MTTP: variants seen among roughly 807,000 people sequenced by gnomAD.
MTTP encodes microsomal triglyceride transfer protein large subunit.
MTTP carries 49 observed loss-of-function variants against 90.6 expected under a neutral mutation model. The observed-to-expected ratio is 0.54, with a 90% CI of 0.43 to 0.69. MTTP has a LOEUF of 0.69. Among genes scored for constraint, MTTP ranks in the 30% least tolerant of loss-of-function variants. MTTP has a pLI of 0.00. For synonymous variants in MTTP, 347 were observed against 384.2 expected, an observed-to-expected ratio of 0.90 and a Z score of 1.13; for missense variants, 945 against 1,067.5, an observed-to-expected ratio of 0.89 and a Z score of 1.60.
intron 7 of MTTP, chr4:99,595,366 C>T (rs1000078429): frequency 1.1e-5 from 2 of 178,554 alleles, no homozygotes; most frequent in African/African-American, 4.8e-5. Flanking sequence ...CCTACAATTC[C>T]TGTCAGAAAT....
chr4:99,580,671 C>T (rs1725087169), intron 1 of MTTP, among the ~76,000 whole-genome samples: 1 of 150,400 alleles, frequency 6.6e-6, no homozygotes, highest in Non-Finnish European at 1.5e-5. Context: ...TCCCCTCAGT[C>T]TCTTCATCTA....
chr4:99,579,180 C>T (rs1003830354), intron 1 of MTTP, among the ~76,000 whole-genome samples: 2 of 152,160 alleles, frequency 1.3e-5, no homozygotes, highest in African/African-American at 4.8e-5. Flanking sequence ...TCTCCTGGCT[C>T]TTCTTGATTC....
At chr4:99,570,870 G>C (rs573658703), upstream of MTTP, 22 of 435,528 alleles carry the variant, frequency 5.1e-5, no homozygotes, top group Admixed American at 1.0e-4. Context: ...GAAAAGGTAA[G>C]AAACAAATTC....
At position 99,587,633 on chromosome 4, in the gene MTTP, A is replaced by G. The variant is rs961998510; in HGVS notation, c.394-2010A>G. On this transcript the variant is annotated intron_variant, in intron 3 of 17. Coordinates refer to ENST00000265517, the MANE Select transcript of MTTP (RefSeq NM_001386140.1). ...CTGGAAGGAAAGTGACATAGTGGTGACAATACTGGTATTTTTCCCACTTAG... is the reference window on the plus strand; with the variant it reads ...CTGGAAGGAAAGTGACATAGTGGTGGCAATACTGGTATTTTTCCCACTTAG... 2.6e-5 allele frequency among the ~76,000 whole-genome samples: 4 copies of G among 152,198 alleles called. No homozygotes were observed. In the South Asian group the frequency reaches 8.3e-4, roughly 31 times the overall value.
At chr4:99,573,879 A>G (rs1050734945), upstream of MTTP, among the ~76,000 whole-genome samples, 2 of 152,002 alleles carry the variant, frequency 1.3e-5, no homozygotes, top group Non-Finnish European at 2.9e-5. Context: ...ACCTCATTTT[A>G]TAGGTTTAGT....
At chr4:99,576,694 C>CAAAA (rs10630406) in intron 1 of MTTP, among the ~76,000 whole-genome samples, 882 of 69,884 alleles carry the variant, frequency 0.013, 34 homozygotes, top group Middle Eastern at 0.034. Context: ...GACTCCGTCT[C>CAAAA]AAAAAAAAAA....
At chr4:99,576,686 C>G (rs1724971332) in intron 1 of MTTP, among the ~76,000 whole-genome samples, 1 of 109,032 alleles carries the variant, frequency 9.2e-6, no homozygotes. Context: ...CAGAGCGAGA[C>G]TCCGTCTCAA....
At chr4:99,584,432 A>C (rs893026578) in intron 3 of MTTP, among the ~76,000 whole-genome samples, 1 of 152,140 alleles carries the variant, frequency 6.6e-6, no homozygotes, top group Non-Finnish European at 1.5e-5. Flanking sequence ...ATTTATTTTC[A>C]ACTGAAGTAT....
chr4:99,601,655 A>G lies in MTTP; in HGVS notation c.1285A>G (p.Met429Val). 1 of 1,613,188 alleles carries G rather than the reference A, an allele frequency of 6.2e-7. No homozygotes were observed. Residue 429 changes from methionine (M) to valine (V), a missense_variant, in exon 10 of 18, where the codon ATG becomes GTG. Physicochemically the swap from Met to Val is conservative, Grantham distance 21 (BLOSUM62 1). Coordinates refer to ENST00000265517, the MANE Select transcript of MTTP (RefSeq NM_001386140.1). ...TAGCAGTGACATCAGAGAAACTGTTATGATCATCACTGGGACACTTGTCAG... is the reference window on the plus strand; with the variant it reads ...TAGCAGTGACATCAGAGAAACTGTTGTGATCATCACTGGGACACTTGTCAG... ...IGSSDIRETV[M>V]IITGTLVRKL...
chr4:99,596,080 T>C (rs986693222), intron 7 of MTTP, among the ~76,000 whole-genome samples: 1 of 152,160 alleles, frequency 6.6e-6, no homozygotes, highest in Admixed American at 6.5e-5. Context: ...CATATTGATA[T>C]GCTCTCTGCC....
chr4:99,574,997 C>T, intron 1 of MTTP, 27 bp downstream of exon 1: 1 of 1,612,272 alleles, frequency 6.2e-7, no homozygotes, highest in Non-Finnish European at 8.5e-7. Flanking sequence ...TTTTGCTAAA[C>T]TTTAATTTCC....
chr4:99,611,065 A>ATT, intron 12 of MTTP, 78 bp from the exon 13 acceptor site: 4 of 1,427,128 alleles, frequency 2.8e-6, no homozygotes, highest in Non-Finnish European at 2.9e-6. Context: ...TCCACTGAGG[A>ATT]TTTTTTTTTT....
Position 99,598,653 on chromosome 4 carries a change from C to CTTTTTTT in MTTP, c.1067+1451_1067+1457dup, listed in dbSNP as rs745529189. ...ACAACAGTATATCCTTCAAGGAAGTCTTTTTTTTTTTTTTTTTTTTTTTTT... is the reference window on the plus strand; with the variant it reads ...ACAACAGTATATCCTTCAAGGAAGTCTTTTTTTTTTTTTTTTTTTTTTTTTTTTTTTT... On this transcript the variant is annotated intron_variant, in intron 8 of 17. Coordinates refer to ENST00000265517, the MANE Select transcript of MTTP (RefSeq NM_001386140.1). Among the ~76,000 whole-genome samples the CTTTTTTT allele has an allele frequency of 4.6e-3, 383 of 82,540 alleles. 28 individuals are homozygous for CTTTTTTT. Among genetic ancestry groups the CTTTTTTT allele is most frequent in the Non-Finnish European group, 6.3e-3 (271 of 43,208 alleles). The allele number at this position is 82,540 out of a possible 152,430, so 54.1% of individuals were successfully genotyped here.
intron 5 of MTTP, 147 bp from the exon 6 acceptor site, chr4:99,591,504 C>A (rs1725419334): frequency 1.9e-6 from 2 of 1,080,532 alleles, no homozygotes; most frequent in Non-Finnish European, 2.8e-6. Context: ...AATGAATAGA[C>A]CCATTTCAAT....
intron 1 of MTTP, among the ~76,000 whole-genome samples, chr4:99,567,644 C>T (rs1016523724): frequency 1.3e-5 from 2 of 152,100 alleles, no homozygotes. Context: ...ACTGGAGCTC[C>T]GTTCTTGAAC....
At chr4:99,568,118 TAAG>T (rs1462135495) in intron 1 of MTTP, among the ~76,000 whole-genome samples, 1 of 151,858 alleles carries the variant, frequency 6.6e-6, no homozygotes, top group African/African-American at 2.4e-5. Flanking sequence ...CAGACAATAA[TAAG>T]AAATATAGAA....
intron 2 of MTTP, 85 bp downstream of exon 2, chr4:99,582,177 T>C: frequency 7.4e-7 from 1 of 1,355,630 alleles, no homozygotes; most frequent in South Asian, 1.2e-5. Flanking sequence ...TTGTATTGGG[T>C]TCCCGTTTAT....
chr4:99,593,121 T>C lies in MTTP; in HGVS notation c.758+1331T>C, dbSNP rs544006776. Among the ~76,000 whole-genome samples, 4 of 152,350 alleles carry C rather than the reference T, an allele frequency of 2.6e-5. No individual in the cohort carries two copies. The East Asian group carries it at 7.7e-4, about 29-fold the overall frequency. On this transcript the variant is annotated intron_variant, in intron 6 of 17. Transcript: ENST00000265517. ...GTGCAGCACATGACTGTATTTATTG[T>C]GCTTCCTCATTTCAACTGTGAGCTC...
chr4:99,573,850 C>T (rs192284456), upstream of MTTP, among the ~76,000 whole-genome samples: 69 of 152,228 alleles, frequency 4.5e-4, no homozygotes, highest in African/African-American at 1.6e-3. Flanking sequence ...CCAAAACATT[C>T]CCACAGGCGG....
Sources: allele counts gnomAD v4.1 joint callset (sites outside exome capture counted in the v4.1 genomes callset), GRCh38; gene constraint gnomAD v4.1.1; transcripts MANE v1.5; gene names NCBI Gene and HGNC (gene_info 2026-07-23, HGNC 2026-07-21).